Variants in PRKD1 observed in about 807,000 individuals in gnomAD.
The protein encoded by PRKD1 is protein kinase D1.
PRKD1 carries 63 observed loss-of-function variants against 95.9 expected under a neutral mutation model. The ratio of observed to expected loss-of-function variants is 0.66; its 90% CI spans 0.54 to 0.81. PRKD1 has a LOEUF of 0.81. Ranked by LOEUF, PRKD1 falls within the 30% of genes least tolerant of loss-of-function variation. The pLI, the probability that PRKD1 is intolerant of heterozygous loss-of-function variation, is 0.00. For synonymous variants in PRKD1, 425 were observed against 423.1 expected (o/e 1.00, Z -0.05); for missense variants, 1,048 against 1,165.3 (o/e 0.90, Z 1.47).
In PRKD1 at chr14:29,576,861, C is replaced by A. The variant is rs1324429689; in HGVS notation, c.*377G>T. 7.7e-6 allele frequency: 2 copies of A among 258,364 alleles called. No homozygotes were observed. Among genetic ancestry groups the A allele is most frequent in the East Asian group, 8.7e-5 (1 of 11,516 alleles). 16.0% of individuals were successfully genotyped at this position (258,364 alleles called of 1,614,324 possible). Reference sequence around the variant, plus strand: ...CAAGAGTTTGTTTACAATGACAACACCAATGGGACACACCAAACAGAACTA... The same window carrying A: ...CAAGAGTTTGTTTACAATGACAACAACAATGGGACACACCAAACAGAACTA... On this transcript the variant is annotated 3_prime_UTR_variant, in exon 18 of 18. Coordinates refer to ENST00000331968, the MANE Select transcript of PRKD1 (RefSeq NM_002742.3).
chr14:29,625,630 A>G (rs1436697423), intron 12 of PRKD1, among the ~76,000 whole-genome samples: 1 of 152,214 alleles, frequency 6.6e-6, no homozygotes, highest in African/African-American at 2.4e-5. Flanking sequence ...AACAAACGGT[A>G]CAATGGTTAG....
chr14:29,703,522 T>C (rs1442075788), intron 2 of PRKD1, among the ~76,000 whole-genome samples: 4 of 152,168 alleles, frequency 2.6e-5, no homozygotes. Flanking sequence ...TTATTCTTCT[T>C]TGGGAAAGAA....
intron 4 of PRKD1, chr14:29,657,739 C>G (rs960494271): frequency 6.6e-6 from 1 of 152,426 alleles, no homozygotes; most frequent in Non-Finnish European, 1.5e-5. Flanking sequence ...TGGTGGCGGG[C>G]GCCAGTAGTC....
intron 4 of PRKD1, among the ~76,000 whole-genome samples, chr14:29,648,357 A>C (rs989092782): frequency 1.3e-4 from 19 of 151,738 alleles, no homozygotes; most frequent in Middle Eastern, 3.4e-3. Flanking sequence ...TACTTGGTTA[A>C]GGCCATGATT....
At chr14:29,752,667 C>G (rs926282142) in intron 1 of PRKD1, among the ~76,000 whole-genome samples, 8 of 151,528 alleles carry the variant, frequency 5.3e-5, no homozygotes, top group Admixed American at 6.6e-5. Flanking sequence ...TTTTAAGAAC[C>G]CATGAGGGCA....
intron 1 of PRKD1, among the ~76,000 whole-genome samples, chr14:29,866,489 A>G (rs1227455592): frequency 6.6e-6 from 1 of 152,216 alleles, no homozygotes; most frequent in Non-Finnish European, 1.5e-5. Flanking sequence ...ACATATGAGA[A>G]ACTATTACAC....
At chr14:29,592,905 C>T (rs1293730386) in intron 16 of PRKD1, among the ~76,000 whole-genome samples, 2 of 152,056 alleles carry the variant, frequency 1.3e-5, no homozygotes, top group African/African-American at 4.8e-5. Context: ...CCTGTGAAAG[C>T]ATTTTAAAAA....
At chr14:29,799,604 C>A (rs1182673146) in intron 1 of PRKD1, among the ~76,000 whole-genome samples, 3 of 152,234 alleles carry the variant, frequency 2.0e-5, no homozygotes, top group African/African-American at 7.2e-5. Context: ...GCACTGCACT[C>A]TCTTACAGAG....
intron 4 of PRKD1, among the ~76,000 whole-genome samples, chr14:29,655,316 A>G (rs1236168330): frequency 6.6e-6 from 1 of 152,184 alleles, no homozygotes; most frequent in Non-Finnish European, 1.5e-5. Context: ...AAAAATAGGA[A>G]TTTACTATTA....
chr14:29,716,196 TGAAAA>T (rs755798427), intron 2 of PRKD1, among the ~76,000 whole-genome samples: 2 of 152,120 alleles, frequency 1.3e-5, no homozygotes, highest in African/African-American at 2.4e-5. Flanking sequence ...CAGTAATAGA[TGAAAA>T]GAGAAGAGAA....
chr14:29,656,749 T>C (rs552537920), intron 4 of PRKD1, among the ~76,000 whole-genome samples: 1 of 152,280 alleles, frequency 6.6e-6, no homozygotes, highest in African/African-American at 2.4e-5. Flanking sequence ...CAAAAATAAT[T>C]GTGAGTCGCT....
At chr14:29,646,655 C>T (rs981942939) in intron 4 of PRKD1, among the ~76,000 whole-genome samples, 2 of 151,598 alleles carry the variant, frequency 1.3e-5, no homozygotes, top group African/African-American at 4.8e-5. Context: ...GTCTGTCTCA[C>T]TTAGGGATGA....
At chr14:29,592,073 C>G (rs751629843) in intron 16 of PRKD1, among the ~76,000 whole-genome samples, 1 of 151,724 alleles carries the variant, frequency 6.6e-6, no homozygotes, top group Non-Finnish European at 1.5e-5. Flanking sequence ...TTCAAGGAAC[C>G]GAGAAGGGTA....
At chr14:29,607,847 G>A (rs1204871398) in intron 13 of PRKD1, among the ~76,000 whole-genome samples, 1 of 152,138 alleles carries the variant, frequency 6.6e-6, no homozygotes, top group Non-Finnish European at 1.5e-5. Context: ...TCAGAGATTA[G>A]GGTGCAGACA....
rs546136928 is a variant in PRKD1, at chr14:29,904,592, TA to T, written c.264+22656del. On this transcript the variant is annotated intron_variant, in intron 1 of 17. Coordinates refer to ENST00000331968, the MANE Select transcript of PRKD1 (RefSeq NM_002742.3). ...TAACACTAGCAATAATAATTGCTAT[TA>T]TTACTGCCATATAGCAATAATTGCT... Among the ~76,000 whole-genome samples the T allele has an allele frequency of 2.0e-4, 31 of 152,348 alleles. No homozygotes were observed. In the South Asian group the frequency reaches 6.4e-3, roughly 32 times the overall value.
intron 1 of PRKD1, among the ~76,000 whole-genome samples, chr14:29,920,708 A>T (rs990292518): frequency 6.6e-6 from 1 of 152,150 alleles, no homozygotes; most frequent in South Asian, 2.1e-4. Flanking sequence ...AAGGTTTTAT[A>T]ATGGGGCATG....
Position 29,576,923 on chromosome 14 carries a change from C to A in PRKD1, c.*315G>T. 1 of 360,854 alleles carries A rather than the reference C, an allele frequency of 2.8e-6. No individual in the cohort carries two copies. 22.4% of individuals were successfully genotyped at this position (360,854 alleles called of 1,614,324 possible). A position where few individuals can be genotyped will look rare whatever the true frequency, so the allele number is the denominator to read the frequency against. ...CATTCTGTCTCTTACCAAAATGAAG[C>A]TCCAGTAAGAAAAACACTGATTTGC... On this transcript the variant is annotated 3_prime_UTR_variant, in exon 18 of 18. Transcript: ENST00000331968.
At chr14:29,649,816 G>A (rs1034624632) in intron 4 of PRKD1, among the ~76,000 whole-genome samples, 3 of 151,968 alleles carry the variant, frequency 2.0e-5, no homozygotes, top group South Asian at 2.1e-4. Flanking sequence ...GGGTTTTGAC[G>A]ATTTTCCTCC....
At chr14:29,765,160 TATAAC>T (rs1188577769) in intron 1 of PRKD1, among the ~76,000 whole-genome samples, 1 of 151,970 alleles carries the variant, frequency 6.6e-6, no homozygotes, top group African/African-American at 2.4e-5. Context: ...TCTGAACACA[TATAAC>T]AGACAAATAA....
Sources: gnomAD v4.1 joint callset for allele counts (sites outside exome capture counted in the v4.1 genomes callset) on GRCh38, gnomAD v4.1.1 for gene constraint, MANE v1.5 for transcripts, NCBI Gene and HGNC (gene_info 2026-07-23, HGNC 2026-07-21) for gene names.